The following PRKAG2 variants were observed in gnomAD, a reference collection of about 807,000 sequenced individuals.
PRKAG2 encodes 5'-AMP-activated protein kinase subunit gamma-2.
In PRKAG2, 26 loss-of-function variants were observed where a neutral mutation model predicts 69.6. The ratio of observed to expected loss-of-function variants is 0.37; its 90% CI spans 0.27 to 0.52. The LOEUF (loss-of-function observed/expected upper bound fraction) is 0.52, where lower values mean the gene tolerates loss of function less well. Ranked by LOEUF, PRKAG2 falls within the 20% of genes least tolerant of loss-of-function variation. The probability of loss-of-function intolerance (pLI) is 0.90; values close to 1 mark genes in which losing one functional copy is unlikely to be tolerated. For missense variants in PRKAG2, 557 were observed against 740.0 expected (o/e 0.75, Z 2.87); for synonymous variants, 293 against 285.0 (o/e 1.03, Z -0.28).
chr7:151,772,294 T>C (rs1228321820), intron 3 of PRKAG2, among the ~76,000 whole-genome samples: 1 of 152,138 alleles, frequency 6.6e-6, no homozygotes, highest in Non-Finnish European at 1.5e-5. Context: ...ATCTCTTCTA[T>C]CCCTCTCCCA....
At chr7:151,606,978 G>C (rs1241885002) in intron 5 of PRKAG2, among the ~76,000 whole-genome samples, 1 of 152,168 alleles carries the variant, frequency 6.6e-6, no homozygotes, top group African/African-American at 2.4e-5. Context: ...TAATTACAGA[G>C]TATCACACTG....
At chr7:151,687,513 G>T (rs1471263639) in intron 3 of PRKAG2, among the ~76,000 whole-genome samples, 3 of 152,250 alleles carry the variant, frequency 2.0e-5, no homozygotes, top group Non-Finnish European at 4.4e-5. Flanking sequence ...AAAAGCAACA[G>T]GCATTGTTTG....
At position 151,556,304 on chromosome 7, in the gene PRKAG2, CA is replaced by C. The variant is rs532079387; in HGVS notation, c.*896del. The C allele has an allele frequency of 6.5e-3, 985 of 152,590 alleles. 6 individuals carry two copies. The highest frequency in any genetic ancestry group is 0.01 in the Non-Finnish European group (693 of 68,022). The allele number at this position is 152,590 out of a possible 1,614,324, so 9.5% of individuals were successfully genotyped here. On this transcript the variant is annotated 3_prime_UTR_variant, in exon 16 of 16. Transcript: ENST00000287878. ...ACTGTATATGCCACAATAAAATTTA[CA>C]AAAACAATCGCATCAGCAGTCATAA...
At chr7:151,808,531 G>C (rs1026028577) in intron 1 of PRKAG2, among the ~76,000 whole-genome samples, 1 of 152,118 alleles carries the variant, frequency 6.6e-6, no homozygotes, top group South Asian at 2.1e-4. Flanking sequence ...GTGATGCACA[G>C]TCAGCAGACG....
chr7:151,796,641 G>A (rs192148633), intron 1 of PRKAG2, among the ~76,000 whole-genome samples: 22 of 152,192 alleles, frequency 1.4e-4, no homozygotes, highest in African/African-American at 3.6e-4. Flanking sequence ...GTTGGAGCTC[G>A]GCAAGGACCG....
chr7:151,773,011 AAGAAAGAAAGAAAGAGAGAGAGAGAG>A (rs2076099335), intron 3 of PRKAG2, among the ~76,000 whole-genome samples: 1 of 16,436 alleles, frequency 6.1e-5, no homozygotes, highest in African/African-American at 6.1e-4. Flanking sequence ...GAAAGAAAGA[AAGAAAGAAAGAAAGAGAGAGAGAGAG>A]AGAGAGAGAG....
chr7:151,831,142 T>C (rs995255246), intron 1 of PRKAG2, among the ~76,000 whole-genome samples: 1 of 152,114 alleles, frequency 6.6e-6, no homozygotes, highest in Non-Finnish European at 1.5e-5. Context: ...CTGGTGGGAA[T>C]GTAAAAGGGT....
chr7:151,591,605 T>G lies in PRKAG2; in HGVS notation c.864+3740A>C, dbSNP rs547016045. ...CCACTGCAACCACCAGGCAGGTGTT[T>G]TGGAGGCAACATGCACCACATGTGT... is the stretch of plus-strand genomic sequence containing the variant. On this transcript the variant is annotated intron_variant, in intron 6 of 15. Transcript: ENST00000287878. Among the ~76,000 whole-genome samples the G allele has an allele frequency of 2.1e-4, 32 of 152,250 alleles. No homozygotes were observed. The South Asian group carries it at 6.6e-3, about 32-fold the overall frequency.
chr7:151,777,455 G>C lies in PRKAG2; in HGVS notation c.466+3697C>G, dbSNP rs3935852. On this transcript the variant is annotated intron_variant, in intron 3 of 15. Transcript: ENST00000287878. This position sits in a 1 kb window ranked among gnomAD's most constrained non-coding sequence, Gnocchi z 4.3. Reference sequence around the variant, plus strand: ...GGGGGCAGATGCCTCATGAATGGCTGGGTTGCCTCCCTGCGGCAGTGAGTC... The same window carrying C: ...GGGGGCAGATGCCTCATGAATGGCTCGGTTGCCTCCCTGCGGCAGTGAGTC... Among the ~76,000 whole-genome samples the C allele has an allele frequency of 0.11, 16,792 of 152,222 alleles. 1,453 individuals carry two copies. The highest frequency in any genetic ancestry group is 0.22 in the African/African-American group (8,931 of 41,508).
chr7:151,585,365 A>C (rs1310319241), intron 6 of PRKAG2, among the ~76,000 whole-genome samples: 1 of 152,162 alleles, frequency 6.6e-6, no homozygotes, highest in Admixed American at 6.5e-5. Context: ...GAATATGACA[A>C]GAGTAAGGCA....
chr7:151,664,579 G>A (rs1830763796), intron 4 of PRKAG2, among the ~76,000 whole-genome samples: 1 of 152,130 alleles, frequency 6.6e-6, no homozygotes, highest in Admixed American at 6.5e-5. Flanking sequence ...ACTGGCTTCT[G>A]TCCCTGGCTT....
chr7:151,565,836 A>G lies in PRKAG2; in HGVS notation c.1283T>C (p.Leu428Pro). 6.2e-7 allele frequency: 1 copy of G among 1,613,320 alleles called. No homozygotes were observed. The highest frequency in any genetic ancestry group is 8.5e-7 in the Non-Finnish European group (1 of 1,179,252). The change falls in exon 12 of 16, where the codon CTT becomes CCT. Residue 428 changes from leucine (L) to proline (P), a missense_variant. Around this residue, in one of 2 missense-constraint regions of PRKAG2, gnomAD observed 205 missense variants for 383.4 expected, o/e 0.53. Coordinates refer to ENST00000287878, the MANE Select transcript of PRKAG2 (RefSeq NM_016203.4). ...AATGTTGTGGTACGTTCCTATTCCAAGCTCATCCAGGTTCTGCTTCATGAA... is the reference window on the plus strand; with the variant it reads ...AATGTTGTGGTACGTTCCTATTCCAGGCTCATCCAGGTTCTGCTTCATGAA... ...PAFMKQNLDE[L>P]GIGTYHNIAF...
chr7:151,607,540 A>G (rs2058496), intron 5 of PRKAG2, among the ~76,000 whole-genome samples: 3,874 of 151,992 alleles, frequency 0.025, 160 homozygotes, highest in African/African-American at 0.089. Context: ...CACTGTGGTT[A>G]TAAGCATGAG....
chr7:151,715,656 A>G (rs1025067912), intron 3 of PRKAG2, among the ~76,000 whole-genome samples: 1 of 152,120 alleles, frequency 6.6e-6, no homozygotes, highest in Non-Finnish European at 1.5e-5. Flanking sequence ...GTGCCTGGCC[A>G]AAAGCAAATT....
At chr7:151,866,169 C>T (rs532358828) in intron 1 of PRKAG2, among the ~76,000 whole-genome samples, 12 of 152,284 alleles carry the variant, frequency 7.9e-5, no homozygotes, top group South Asian at 2.1e-4. Context: ...CAGGGCAAAC[C>T]GAAGGGAGGC....
chr7:151,796,602 C>T (rs1208949155), intron 1 of PRKAG2, among the ~76,000 whole-genome samples: 1 of 152,186 alleles, frequency 6.6e-6, no homozygotes, highest in Non-Finnish European at 1.5e-5. Context: ...CCTGTCCTGT[C>T]ACTGAGGGCC....
At chr7:151,839,185 T>C (rs1473880959) in intron 1 of PRKAG2, among the ~76,000 whole-genome samples, 3 of 152,116 alleles carry the variant, frequency 2.0e-5, no homozygotes, top group Non-Finnish European at 4.4e-5. Flanking sequence ...ACCAGAAGCT[T>C]CCTAGAAAAC....
intron 9 of PRKAG2, 56 bp downstream of exon 9, chr7:151,572,608 A>G: frequency 7.8e-7 from 1 of 1,274,014 alleles, no homozygotes; most frequent in Non-Finnish European, 1.1e-6. Flanking sequence ...CATACTTTTC[A>G]TACTAAACAT....
intron 3 of PRKAG2, among the ~76,000 whole-genome samples, chr7:151,707,905 C>A (rs1838898971): frequency 6.6e-6 from 1 of 152,196 alleles, no homozygotes. Context: ...GCAGGAAAGC[C>A]CAATAGCGAA....
Sources: gnomAD v4.1 joint callset for allele counts (sites outside exome capture counted in the v4.1 genomes callset) on GRCh38, gnomAD v4.1.1 for gene constraint, gnomAD v4.1.1 regional missense constraint, Gnocchi (gnomAD v3.1) non-coding constraint, MANE v1.5 for transcripts, NCBI Gene and HGNC (gene_info 2026-07-23, HGNC 2026-07-21) for gene names.